The following GSTA4 variants were observed in gnomAD, a reference collection of about 807,000 sequenced individuals.
GSTA4 encodes the protein glutathione S-transferase alpha 4, also known as glutathione S-transferase A4.
GSTA4 carries 15 observed loss-of-function variants against 24.4 expected under a neutral mutation model. That is an observed-to-expected ratio of 0.61 (90% CI 0.41 to 0.95). GSTA4 has a LOEUF of 0.95. GSTA4 is among the 40% of genes least tolerant of loss of function. The pLI is 0.00. For synonymous variants in GSTA4, 92 were observed against 94.2 expected (o/e 0.98, Z 0.13); for missense variants, 244 against 262.1 (o/e 0.93, Z 0.48).
rs1365951147 is a variant in GSTA4 at position 52,984,526 on chromosome 6, G to T, written c.352C>A (p.Gln118Lys). The change falls in exon 5 of 7, where the codon CAA (glutamine) becomes AAA (lysine). Residue 118 changes from glutamine to lysine, a missense_variant. By Grantham distance (53) the Gln-to-Lys change is moderately conservative. Transcript: ENST00000370963. ...TGGGCCATGTTAACCACTTCCTTTT[G>T]CTGATCATCTGGTTTTAAGAAAGGA... ...MHPFLKPDDQ[Q>K]KEVVNMAQKA... 6.2e-7 allele frequency: 1 copy of T among 1,613,438 alleles called. No individual in the cohort carries two copies.
chr6:52,985,393 A>C, intron 4 of GSTA4, 58 bp downstream of exon 4: 1 of 1,519,674 alleles, frequency 6.6e-7, no homozygotes, highest in Non-Finnish European at 9.0e-7. Context: ...AGAGGTTGCT[A>C]ATCAGCTAAG....
chr6:52,991,754 AC>A (rs1282262533), intron 2 of GSTA4, among the ~76,000 whole-genome samples: 1 of 138,624 alleles, frequency 7.2e-6, no homozygotes, highest in Non-Finnish European at 1.5e-5. Flanking sequence ...GGCTATTAAT[AC>A]CTTTTTTTTT....
chr6:52,994,370 G>T, intron 1 of GSTA4, 109 bp from the exon 2 acceptor site: 1 of 554,030 alleles, frequency 1.8e-6, no homozygotes, highest in African/African-American at 1.9e-5. Flanking sequence ...ACGGGAAACT[G>T]TTCTTTATTT....
intron 2 of GSTA4, among the ~76,000 whole-genome samples, chr6:52,992,765 A>G: frequency 6.6e-6 from 1 of 152,214 alleles, no homozygotes; most frequent in East Asian, 1.9e-4. Context: ...CTATGGAAAC[A>G]GGATGAATAA....
rs183520568 is a variant in GSTA4, at chr6:52,994,091, G to T, written c.87+66C>A. The T allele has an allele frequency of 4.7e-4, 497 of 1,062,788 alleles. 1 individual carries two copies. Among genetic ancestry groups the T allele is most frequent in the Non-Finnish European group, 6.6e-4 (447 of 676,648 alleles). 65.8% of individuals were successfully genotyped at this position (1,062,788 alleles called of 1,614,324 possible). On this transcript the variant is annotated intron_variant, in intron 2 of 6. Coordinates refer to ENST00000370963, the MANE Select transcript of GSTA4 (RefSeq NM_001512.4). ...CTAGAACTGAACGGTGCTTCAAAAC[G>T]TATTTTTCTTTCAAAGGTCTCAAAA... is the stretch of plus-strand genomic sequence containing the variant.
intron 4 of GSTA4, 43 bp downstream of exon 4, chr6:52,985,408 C>T (rs776692325): frequency 9.5e-6 from 15 of 1,583,232 alleles, no homozygotes; most frequent in East Asian, 2.2e-5. Context: ...GCTAAGGCAT[C>T]AGTAAGCTGA....
At chr6:52,985,781 G>A (rs1478582271) in intron 3 of GSTA4, among the ~76,000 whole-genome samples, 198 bp from the exon 4 acceptor site, 1 of 152,188 alleles carries the variant, frequency 6.6e-6, no homozygotes, top group Non-Finnish European at 1.5e-5. Context: ...GGCCAGGCGT[G>A]GTGGCTCAAG....
intron 2 of GSTA4, chr6:52,987,868 C>G (rs1432076182): frequency 6.6e-6 from 1 of 152,564 alleles, no homozygotes; most frequent in Non-Finnish European, 1.5e-5. Context: ...GATCACTACA[C>G]ATGATACACA....
At chr6:52,993,958 C>G (rs1487470305) in intron 2 of GSTA4, 199 bp downstream of exon 2, 1 of 673,090 alleles carries the variant, frequency 1.5e-6, no homozygotes, top group Admixed American at 2.1e-5. Context: ...AAGTAAAAGT[C>G]AAAAGGAAAA....
At chr6:52,983,621 T>G (rs1763495564) in intron 5 of GSTA4, among the ~76,000 whole-genome samples, 1 of 152,200 alleles carries the variant, frequency 6.6e-6, no homozygotes, top group South Asian at 2.1e-4. Context: ...GGACAACGGT[T>G]CTCACCTCAT....
chr6:52,985,598 C>T lies in GSTA4; in HGVS notation c.140-15G>A, dbSNP rs763904058. 3.1e-6 allele frequency: 5 copies of T among 1,613,372 alleles called. No individual in the cohort carries two copies. The highest frequency in any genetic ancestry group is 3.3e-5 in the Admixed American group (2 of 59,962). On this transcript the variant is annotated splice_polypyrimidine_tract_variant and intron_variant, in intron 3 of 6. Coordinates refer to ENST00000370963, the MANE Select transcript of GSTA4 (RefSeq NM_001512.4). ...CAGGTGGTTACCTGAGAATGGAAGC[C>T]CAGAGTTAGAAGTGATCTTTTCTTC...
chr6:52,985,367 A>G, intron 4 of GSTA4, 84 bp downstream of exon 4: 1 of 1,287,414 alleles, frequency 7.8e-7, no homozygotes, highest in South Asian at 1.4e-5. Flanking sequence ...GACATAAAGT[A>G]AATGTGGTGT....
At chr6:52,986,737 G>A (rs1581912076) in intron 3 of GSTA4, among the ~76,000 whole-genome samples, 1 of 152,172 alleles carries the variant, frequency 6.6e-6, no homozygotes, top group Admixed American at 6.5e-5. Context: ...TGGAGAGCCG[G>A]TACCACACAG....
chr6:52,985,357 G>C (rs2274760), intron 4 of GSTA4, 94 bp downstream of exon 4: 134,093 of 1,202,564 alleles, frequency 0.11, 8,526 homozygotes, highest in Non-Finnish European at 0.12. Context: ...AACTATGTAA[G>C]ACATAAAGTA....
intron 2 of GSTA4, among the ~76,000 whole-genome samples, chr6:52,988,660 A>G (rs1763608552): frequency 6.6e-6 from 1 of 152,234 alleles, no homozygotes; most frequent in Admixed American, 6.5e-5. Flanking sequence ...AAAATCAACT[A>G]GAGACTTAAC....
intron 1 of GSTA4, among the ~76,000 whole-genome samples, chr6:52,994,881 A>G (rs1163367422): frequency 1.3e-5 from 2 of 152,162 alleles, no homozygotes; most frequent in Non-Finnish European, 2.9e-5. Context: ...GGGCTTGGCC[A>G]TCTGAGATCG....
intron 2 of GSTA4, among the ~76,000 whole-genome samples, chr6:52,990,631 C>A (rs1763644371): frequency 1.3e-5 from 2 of 152,052 alleles, no homozygotes. Context: ...AATGTTGACT[C>A]ATAGGTGAGT....
chr6:52,984,410 C>CTTTGTGG, intron 5 of GSTA4, 54 bp downstream of exon 5: 1 of 1,541,310 alleles, frequency 6.5e-7, no homozygotes, highest in Non-Finnish European at 8.8e-7. Context: ...GTGGCAGCTT[C>CTTTGTGG]TTTGTGGTTT....
Position 52,994,201 on chromosome 6 carries a change from G to C in GSTA4, c.43C>G (p.Arg15Gly). ...AAAACCCATCTCACGGACTCCATCC[G>C]GCCTCTTCCGTTGGGATAGTGGAGC... The part of the protein sequence containing the change: ...PKLHYPNGRG[R>G]MESVRWVLAA... The change falls in exon 2 of 7, where the codon CGG becomes GGG. Residue 15 changes from arginine to glycine, a missense_variant. Arg to Gly is a moderately radical substitution (Grantham distance 125, BLOSUM62 -2). Transcript: ENST00000370963. 6.2e-6 allele frequency: 10 copies of C among 1,613,556 alleles called. No individual in the cohort carries two copies. Among genetic ancestry groups the C allele is most frequent in the Non-Finnish European group, 8.5e-6 (10 of 1,179,544 alleles).
Sources: gnomAD v4.1 joint callset for allele counts (sites outside exome capture counted in the v4.1 genomes callset) on GRCh38, gnomAD v4.1.1 for gene constraint, MANE v1.5 for transcripts, NCBI Gene and HGNC (gene_info 2026-07-23, HGNC 2026-07-21) for gene names.